The following DCAF6 variants were observed in gnomAD, a reference collection of about 807,000 sequenced individuals.
DCAF6 encodes DDB1 and CUL4 associated factor 6.
In DCAF6, 54 loss-of-function variants were observed where a neutral mutation model predicts 125.1. The observed-to-expected ratio is 0.43, with a 90% CI of 0.35 to 0.54. DCAF6 has a LOEUF of 0.54. DCAF6 is among the 20% of genes least tolerant of loss of function. The pLI, the probability that DCAF6 is intolerant of heterozygous loss-of-function variation, is 0.01. For missense variants in DCAF6, 934 were observed against 1,161.7 expected, an observed-to-expected ratio of 0.80 and a Z score of 2.85; for synonymous variants, 371 against 390.4, an observed-to-expected ratio of 0.95 and a Z score of 0.58.
the DCAF6 span, chr1:167,903,940 C>T: frequency 3.1e-6 from 5 of 1,614,090 alleles, no homozygotes; most frequent in Non-Finnish European, 4.2e-6. Context: ...CTGCTCAGCC[C>T]CTCTGTCCAT....
chr1:167,942,508 A>G (rs1672410112), intron 1 of DCAF6, among the ~76,000 whole-genome samples: 2 of 152,180 alleles, frequency 1.3e-5, no homozygotes, highest in African/African-American at 2.4e-5. Flanking sequence ...ACAGTCCTTA[A>G]TCAGATATGT....
chr1:167,924,511 G>A, the DCAF6 span: 1 of 1,574,484 alleles, frequency 6.4e-7, no homozygotes, highest in Non-Finnish European at 8.6e-7. Context: ...TTCATAATTG[G>A]AGCCCAGAAG....
At chr1:167,867,416 A>C in the DCAF6 span, among the ~76,000 whole-genome samples, 1 of 152,230 alleles carries the variant, frequency 6.6e-6, no homozygotes, top group Non-Finnish European at 1.5e-5. Context: ...TCAGACTGAG[A>C]ACTGTTCCCA....
chr1:168,060,221 C>T (rs1251831405), intron 17 of DCAF6, among the ~76,000 whole-genome samples: 2 of 152,004 alleles, frequency 1.3e-5, no homozygotes, highest in Non-Finnish European at 2.9e-5. Context: ...TGTTTTGTTA[C>T]CCAGGCTGGA....
chr1:167,882,841 G>T, the DCAF6 span, among the ~76,000 whole-genome samples: 1 of 152,114 alleles, frequency 6.6e-6, no homozygotes, highest in Admixed American at 6.5e-5. Context: ...CCTTGTCCTG[G>T]TATCCTAATC....
At chr1:168,026,457 G>A (rs553327214) in intron 12 of DCAF6, among the ~76,000 whole-genome samples, 1 of 152,232 alleles carries the variant, frequency 6.6e-6, no homozygotes, top group South Asian at 2.1e-4. Flanking sequence ...CCAAGAACAC[G>A]TAAGAGGCCA....
At chr1:167,935,073 CT>C (rs1211559917), upstream of DCAF6, among the ~76,000 whole-genome samples, 1 of 152,086 alleles carries the variant, frequency 6.6e-6, no homozygotes, top group Non-Finnish European at 1.5e-5. Context: ...GAGATCTAGG[CT>C]TTTGCTCAAG....
At chr1:167,885,454 A>T in the DCAF6 span, among the ~76,000 whole-genome samples, 7 of 152,098 alleles carry the variant, frequency 4.6e-5, no homozygotes, top group Admixed American at 4.6e-4. Context: ...AGCGTTTGTT[A>T]TTGCCTGTCT....
At chr1:167,887,821 GC>G in the DCAF6 span, among the ~76,000 whole-genome samples, 2 of 147,472 alleles carry the variant, frequency 1.4e-5, no homozygotes, top group Non-Finnish European at 3.0e-5. Flanking sequence ...GTCCATTTTT[GC>G]TTTGGTTGCC....
rs751118325 is a variant in DCAF6 at position 167,974,846 on chromosome 1, G to A, written c.269G>A (p.Arg90His). Residue 90 changes from arginine (R) to histidine (H), a missense_variant, in exon 4 of 22, where the codon CGT becomes CAT. Transcript: ENST00000367840. Reference protein sequence around the residue: ...PYSRKVLTTIRSGHRANIFSA... With the variant: ...PYSRKVLTTIHSGHRANIFSA... ...GTGTTTTAGGTTTTGACAACAATTC[G>A]TTCAGGGCACCGAGCAAACATATTT... The A allele has an allele frequency of 3.9e-6, 6 of 1,537,980 alleles. No homozygotes were observed. The highest frequency in any genetic ancestry group is 5.2e-6 in the Non-Finnish European group (6 of 1,143,044).
chr1:167,869,119 G>A, the DCAF6 span, among the ~76,000 whole-genome samples: 1 of 152,196 alleles, frequency 6.6e-6, no homozygotes, highest in African/African-American at 2.4e-5. Context: ...TGGCACATAT[G>A]CCCGTACGAG....
At chr1:167,902,536 C>A in the DCAF6 span, among the ~76,000 whole-genome samples, 1 of 152,298 alleles carries the variant, frequency 6.6e-6, no homozygotes, top group South Asian at 2.1e-4. Context: ...TTTATTTAGA[C>A]GGTATGGCAT....
At chr1:167,881,604 A>T in the DCAF6 span, among the ~76,000 whole-genome samples, 3 of 152,236 alleles carry the variant, frequency 2.0e-5, no homozygotes, top group Admixed American at 6.5e-5. Context: ...TAGCAATGGA[A>T]TGACAGCTCT....
the DCAF6 span, among the ~76,000 whole-genome samples, chr1:167,887,947 T>A: frequency 6.6e-6 from 1 of 152,194 alleles, no homozygotes; most frequent in South Asian, 2.1e-4. Flanking sequence ...CCATTTTGAC[T>A]TGATTTTTGT....
chr1:167,950,033 A>G (rs974045649), intron 1 of DCAF6, among the ~76,000 whole-genome samples: 23 of 152,202 alleles, frequency 1.5e-4, no homozygotes, highest in African/African-American at 5.3e-4. Context: ...GCCTCTATAC[A>G]TGTTCTAATG....
intron 13 of DCAF6, among the ~76,000 whole-genome samples, chr1:168,041,894 G>GCGCA (rs1220588082): frequency 3.7e-5 from 2 of 54,442 alleles, no homozygotes; most frequent in African/African-American, 1.7e-4. Flanking sequence ...TGTTTGTCGC[G>GCGCA]CACACACACA....
At chr1:168,016,981 T>C (rs1685060233) in intron 11 of DCAF6, among the ~76,000 whole-genome samples, 1 of 152,058 alleles carries the variant, frequency 6.6e-6, no homozygotes, top group African/African-American at 2.4e-5. Context: ...GTAAGTGCTG[T>C]GGTAACAAAA....
the DCAF6 span, among the ~76,000 whole-genome samples, chr1:167,907,393 G>C: frequency 2.0e-5 from 3 of 152,210 alleles, no homozygotes; most frequent in Non-Finnish European, 4.4e-5. Context: ...CATGTCCCTT[G>C]TGGGTTGTAT....
rs367748107 is a variant in DCAF6 at position 168,044,629 on chromosome 1, G to A, written c.1888G>A (p.Gly630Arg). Reference protein sequence around the residue: ...SSEDVTKYQEGVSAENPVENH... With the variant: ...SSEDVTKYQERVSAENPVENH... ...AGAGGATGTGACAAAATATCAGGAAGGAGTATCTGCAGAAAACCCAGTTGA... is the reference window on the plus strand; with the variant it reads ...AGAGGATGTGACAAAATATCAGGAAAGAGTATCTGCAGAAAACCCAGTTGA... Residue 630 changes from glycine (G) to arginine (R), a missense_variant, in exon 15 of 22, where the codon GGA becomes AGA. Transcript: ENST00000367840. 52 of 1,613,236 alleles carry A rather than the reference G, an allele frequency of 3.2e-5. No individual in the cohort carries two copies. Among genetic ancestry groups the A allele is most frequent in the Non-Finnish European group, 4.3e-5 (51 of 1,179,466 alleles).
Sources: gnomAD v4.1 joint callset for allele counts (sites outside exome capture counted in the v4.1 genomes callset) on GRCh38, gnomAD v4.1.1 for gene constraint, MANE v1.5 for transcripts, NCBI Gene and HGNC (gene_info 2026-07-23, HGNC 2026-07-21) for gene names.